The following PADI1 variants were observed in gnomAD, a reference collection of about 807,000 sequenced individuals.
PADI1 encodes the protein peptidyl arginine deiminase 1, also known as protein-arginine deiminase type-1.
In PADI1, 65 loss-of-function variants were observed where a neutral mutation model predicts 74.8. The observed-to-expected ratio is 0.87, with a 90% confidence interval of 0.71 to 1.07. PADI1 has a LOEUF of 1.07. Among genes scored for constraint, PADI1 ranks in the 50% least tolerant of loss-of-function variants. PADI1 has a pLI of 0.00. For missense variants in PADI1, 943 were observed against 854.0 expected (o/e 1.10, Z -1.30); for synonymous variants, 371 against 336.2 (o/e 1.10, Z -1.13).
chr1:17,222,088 C>T (rs189983758), intron 1 of PADI1, among the ~76,000 whole-genome samples: 1 of 152,276 alleles, frequency 6.6e-6, no homozygotes, highest in Non-Finnish European at 1.5e-5. Context: ...TGGGTGTGGG[C>T]TGGGGGTGTC....
chr1:17,241,157 C>T (rs1166073882), intron 15 of PADI1, among the ~76,000 whole-genome samples: 1 of 152,222 alleles, frequency 6.6e-6, no homozygotes, highest in Non-Finnish European at 1.5e-5. Context: ...CACCACAGCC[C>T]CTCGCTTGCT....
rs144817306 is a variant in PADI1, at chr1:17,240,697, C to T, written c.1695C>T (p.Ile565=). The T allele has an allele frequency of 8.4e-5, 136 of 1,613,912 alleles. No homozygotes were observed. The highest frequency in any genetic ancestry group is 3.3e-4 in the Middle Eastern group (2 of 6,082). Residue 565 remains isoleucine, a synonymous_variant, in exon 15 of 16, where the codon ATC becomes ATT. Transcript: ENST00000375471. The part of the protein sequence containing the change: ...KRELGLAESD[I]VDIPQLFFLK... ...AGCTGGGCCTGGCAGAGAGTGACAT[C>T]GTGGACATTCCCCAGCTCTTCTTCC... is the stretch of plus-strand genomic sequence containing the variant.
chr1:17,211,019 AGGATGT>A (rs1183297461), intron 1 of PADI1, among the ~76,000 whole-genome samples: 1 of 152,162 alleles, frequency 6.6e-6, no homozygotes, highest in Non-Finnish European at 1.5e-5. Context: ...AACAAATTTC[AGGATGT>A]GGGTTTCAAC....
chr1:17,238,410 G>A (rs1468030093), intron 12 of PADI1, among the ~76,000 whole-genome samples: 1 of 152,220 alleles, frequency 6.6e-6, no homozygotes, highest in African/African-American at 2.4e-5. Context: ...GTCCAGGGAG[G>A]GAGAACAGCA....
Position 17,226,082 on chromosome 1 carries a change from G to C in PADI1, c.576G>C (p.Lys192Asn). The change falls in exon 6 of 16, where the codon AAG (lysine) becomes AAC (asparagine). Residue 192 changes from lysine (K) to asparagine (N), a missense_variant. Lys to Asn is a moderately conservative substitution (Grantham distance 94). Coordinates refer to ENST00000375471, the MANE Select transcript of PADI1 (RefSeq NM_013358.3). ...PMLLSCNGPD[K>N]LFDSHKLVLN... ...TGCTGAGCTGCAATGGCCCCGACAA[G>C]CTCTTCGACAGCCACAAGCTTGTCT... The C allele has an allele frequency of 1.2e-6, 2 of 1,614,190 alleles. No homozygotes were observed. Among genetic ancestry groups the C allele is most frequent in the Non-Finnish European group, 1.7e-6 (2 of 1,180,034 alleles).
chr1:17,216,508 G>T (rs903350484), intron 1 of PADI1, among the ~76,000 whole-genome samples: 6 of 152,246 alleles, frequency 3.9e-5, no homozygotes, highest in East Asian at 1.9e-4. Context: ...GCAGGAGCAG[G>T]TTTGAAAGGA....
chr1:17,221,885 G>A (rs140304300), intron 1 of PADI1, among the ~76,000 whole-genome samples: 1 of 152,330 alleles, frequency 6.6e-6, no homozygotes, highest in Non-Finnish European at 1.5e-5. Context: ...GGAACAACAC[G>A]CTCTGCTGTG....
Position 17,232,807 on chromosome 1 carries a change from G to A in PADI1, c.1162-12G>A, listed in dbSNP as rs1177287289. 1.2e-6 allele frequency: 2 copies of A among 1,604,440 alleles called. No homozygotes were observed. Among genetic ancestry groups the A allele is most frequent in the Non-Finnish European group, 1.7e-6 (2 of 1,173,514 alleles). ...CCTTCTTGGGGTGGGGGTCTCGCTG[G>A]TTCTTCCATAGGGTCCTGACTTTGG... On this transcript the variant is annotated splice_polypyrimidine_tract_variant and intron_variant, in intron 10 of 15. Coordinates refer to ENST00000375471, the MANE Select transcript of PADI1 (RefSeq NM_013358.3).
intron 11 of PADI1, among the ~76,000 whole-genome samples, chr1:17,236,027 C>T (rs759155822): frequency 2.6e-5 from 4 of 152,116 alleles, no homozygotes; most frequent in Admixed American, 6.5e-5. Context: ...GGGTTGGCTA[C>T]GTATTAGGAC....
rs182516611 is a variant in PADI1, at chr1:17,230,229, G to A, written c.1053+21G>A. 419 of 1,608,862 alleles carry A rather than the reference G, an allele frequency of 2.6e-4. 2 individuals carry two copies. The highest frequency in any genetic ancestry group is 1.7e-3 in the Admixed American group (104 of 59,594). The stretch of plus-strand genomic sequence containing the variant: ...TCCAGGTGGGAGCTGGGGGCAGCTC[G>A]GGAAGCCTGCAGCCTGGCTTGGGGA... On this transcript the variant is annotated intron_variant, in intron 9 of 15. Coordinates refer to ENST00000375471, the MANE Select transcript of PADI1 (RefSeq NM_013358.3).
At chr1:17,224,494 G>T (rs1418697649) in intron 4 of PADI1, 66 bp downstream of exon 4, 4 of 1,193,592 alleles carry the variant, frequency 3.4e-6, no homozygotes, top group Admixed American at 1.9e-5. Flanking sequence ...GTCCCGGGTG[G>T]ATTGTGCCCT....
intron 11 of PADI1, among the ~76,000 whole-genome samples, chr1:17,234,876 C>A (rs1028601556): frequency 6.6e-6 from 1 of 152,032 alleles, no homozygotes; most frequent in African/African-American, 2.4e-5. Context: ...CGCTTCTTTG[C>A]GAGGCCAAGG....
chr1:17,226,186 C>G (rs2072306438), intron 6 of PADI1, 28 bp downstream of exon 6: 1 of 1,612,400 alleles, frequency 6.2e-7, no homozygotes, highest in Non-Finnish European at 8.5e-7. Context: ...GCCTTTTCCT[C>G]CCAGCTCCAT....
intron 12 of PADI1, among the ~76,000 whole-genome samples, chr1:17,237,705 C>T (rs994799224): frequency 6.6e-6 from 1 of 152,222 alleles, no homozygotes; most frequent in South Asian, 2.1e-4. Context: ...ATTTATTGAG[C>T]ACCTACTATG....
chr1:17,231,937 GT>G (rs2072500969), intron 10 of PADI1, among the ~76,000 whole-genome samples: 1 of 150,834 alleles, frequency 6.6e-6, no homozygotes. Context: ...AAAAAAACAC[GT>G]GTTTGTTTGT....
chr1:17,218,861 C>G (rs2072051299), intron 1 of PADI1, among the ~76,000 whole-genome samples: 1 of 151,984 alleles, frequency 6.6e-6, no homozygotes, highest in African/African-American at 2.4e-5. Flanking sequence ...CACCCCTCTT[C>G]CCAGGAGGGC....
intron 1 of PADI1, among the ~76,000 whole-genome samples, chr1:17,206,457 C>G (rs1015734171): frequency 6.6e-6 from 1 of 152,034 alleles, no homozygotes; most frequent in Non-Finnish European, 1.5e-5. Flanking sequence ...CTGGGAGCCC[C>G]GCTGTGGGGG....
At chr1:17,242,184 C>A (rs2072791337) in intron 15 of PADI1, among the ~76,000 whole-genome samples, 1 of 152,178 alleles carries the variant, frequency 6.6e-6, no homozygotes, top group Non-Finnish European at 1.5e-5. Flanking sequence ...CTGGTCTCTA[C>A]CCACTAGATG....
chr1:17,222,511 C>A, intron 2 of PADI1, 41 bp downstream of exon 2: 1 of 1,483,602 alleles, frequency 6.7e-7, no homozygotes, highest in Non-Finnish European at 9.4e-7. Context: ...TGGATCTCTC[C>A]ACCCCCATCC....
Sources: allele counts gnomAD v4.1 joint callset (sites outside exome capture counted in the v4.1 genomes callset), GRCh38; gene constraint gnomAD v4.1.1; transcripts MANE v1.5; gene names NCBI Gene and HGNC (gene_info 2026-07-23, HGNC 2026-07-21).